The following TEX2 variants were observed in gnomAD, a reference collection of about 807,000 sequenced individuals.
TEX2 encodes the protein testis expressed 2.
Under a neutral mutation model 106.9 loss-of-function variants are expected in TEX2, and 53 were observed. The ratio of observed to expected loss-of-function variants is 0.50; its 90% confidence interval spans 0.40 to 0.62. TEX2 has a LOEUF of 0.62. Among genes scored for constraint, TEX2 ranks in the 20% least tolerant of loss-of-function variants. The probability of loss-of-function intolerance (pLI) is 0.00; values close to 1 mark genes in which losing one functional copy is unlikely to be tolerated. For missense variants in TEX2, 1,207 were observed against 1,379.0 expected, an observed-to-expected ratio of 0.88 and a Z score of 1.98; for synonymous variants, 523 against 534.8, an observed-to-expected ratio of 0.98 and a Z score of 0.30.
At chr17:64,244,812 G>A (rs1415823268) in intron 1 of TEX2, among the ~76,000 whole-genome samples, 3 of 151,912 alleles carry the variant, frequency 2.0e-5, no homozygotes, top group Non-Finnish European at 4.4e-5. Flanking sequence ...TTTCAAATAT[G>A]GAAATTTAAG....
chr17:64,193,574 A>C lies in TEX2; in HGVS notation c.2161T>G (p.Ser721Ala). Residue 721 changes from serine (S) to alanine (A), a missense_variant, in exon 4 of 12, where the codon TCT becomes GCT. Ser to Ala is a moderately conservative substitution (Grantham distance 99, BLOSUM62 1). Around this residue, in one of 3 missense-constraint regions of TEX2, gnomAD observed 1,067 missense variants for 1,193.6 expected, o/e 0.89. Transcript: ENST00000584379. ...ACATCATTACCTGGTTTACCTCCAG[A>C]GACACCCGATGACTTCTTGATTTCC... ...KSEIKKSSGV[S>A]GGKPGLLPAH... The C allele has an allele frequency of 1.4e-6, 2 of 1,434,602 alleles. No homozygotes were observed. The highest frequency in any genetic ancestry group is 1.8e-6 in the Non-Finnish European group (2 of 1,085,826). The allele number at this position is 1,434,602 out of a possible 1,614,324, so 88.9% of individuals were successfully genotyped here.
intron 1 of TEX2, among the ~76,000 whole-genome samples, chr17:64,227,903 T>G (rs1463714210): frequency 6.6e-6 from 1 of 152,258 alleles, no homozygotes; most frequent in Non-Finnish European, 1.5e-5. Flanking sequence ...ACTGTTCTTA[T>G]AAGCATTTTC....
At chr17:64,206,656 C>G (rs1391155160) in intron 2 of TEX2, among the ~76,000 whole-genome samples, 1 of 148,988 alleles carries the variant, frequency 6.7e-6, no homozygotes, top group Non-Finnish European at 1.5e-5. Context: ...CTCCACCTCC[C>G]AGGTTCAAGC....
Position 64,148,437 on chromosome 17 carries a change from A to G in TEX2, c.*532T>C, listed in dbSNP as rs989664598. 1.3e-5 allele frequency: 2 copies of G among 153,594 alleles called. No homozygotes were observed. The highest frequency in any genetic ancestry group is 2.4e-5 in the African/African-American group (1 of 41,442). The allele number at this position is 153,594 out of a possible 1,614,324, so 9.5% of individuals were successfully genotyped here. The stretch of plus-strand genomic sequence containing the variant: ...CCAAATGCACAATTTAATGTGGAAA[A>G]TAAGTTGCTCTGCCCATCTCTTCTG... On this transcript the variant is annotated 3_prime_UTR_variant, in exon 12 of 12. Coordinates refer to ENST00000584379, the MANE Select transcript of TEX2 (RefSeq NM_001288732.2).
chr17:64,241,028 C>T (rs1161544722), intron 1 of TEX2, among the ~76,000 whole-genome samples: 1 of 152,214 alleles, frequency 6.6e-6, no homozygotes, highest in African/African-American at 2.4e-5. Context: ...AAAATAGCCT[C>T]AGGCCAACAG....
Position 64,153,946 on chromosome 17 carries a change from A to G in TEX2, c.2931-792T>C, listed in dbSNP as rs1286209723. ...AGATGCTGTCTCAAGAAAACAAACAAACAAACAAAATGCTACACCAAGTTG... is the reference window on the plus strand; with the variant it reads ...AGATGCTGTCTCAAGAAAACAAACAGACAAACAAAATGCTACACCAAGTTG... On this transcript the variant is annotated intron_variant, in intron 9 of 11. Coordinates refer to ENST00000584379, the MANE Select transcript of TEX2 (RefSeq NM_001288732.2). The surrounding 1 kb of genome is among the most constrained non-coding windows in gnomAD (Gnocchi z 4.1). 2.0e-5 allele frequency among the ~76,000 whole-genome samples: 3 copies of G among 152,180 alleles called. No individual in the cohort carries two copies. Among genetic ancestry groups the G allele is most frequent in the African/African-American group, 7.2e-5 (3 of 41,440 alleles).
intron 5 of TEX2, 43 bp from the exon 6 acceptor site, chr17:64,177,514 G>A (rs748599308): frequency 1.9e-6 from 3 of 1,602,940 alleles, no homozygotes; most frequent in East Asian, 2.2e-5. Context: ...AAAGCAACTG[G>A]AGAATAAGAC....
At position 64,195,115 on chromosome 17, in the gene TEX2, A is replaced by G. The variant is rs1477348266; in HGVS notation, c.1645-20T>C. ...CCATCCCTGATGAAGAAAAACTTCCATTAGTAATATCAGAATAATCGCAAA... is the reference window on the plus strand; with the variant it reads ...CCATCCCTGATGAAGAAAAACTTCCGTTAGTAATATCAGAATAATCGCAAA... On this transcript the variant is annotated intron_variant, in intron 2 of 11. Transcript: ENST00000584379. The surrounding 1 kb of genome is among the most constrained non-coding windows in gnomAD (Gnocchi z 4.1). 1.9e-6 allele frequency: 3 copies of G among 1,609,518 alleles called. No homozygotes were observed. The highest frequency in any genetic ancestry group is 3.3e-5 in the Admixed American group (2 of 59,954).
In TEX2 at chr17:64,214,234, G is replaced by T. The variant is rs1555632316; in HGVS notation, c.-17C>A. Reference sequence around the variant, plus strand: ...ACTTGTCATTGCCGGCTTCACAAGGGCTCAGGCTCTGTGAAAACAGTGAGA... The same window carrying T: ...ACTTGTCATTGCCGGCTTCACAAGGTCTCAGGCTCTGTGAAAACAGTGAGA... On this transcript the variant is annotated 5_prime_UTR_variant, in exon 2 of 12. Coordinates refer to ENST00000584379, the MANE Select transcript of TEX2 (RefSeq NM_001288732.2). 6.3e-7 allele frequency: 1 copy of T among 1,599,544 alleles called. No individual in the cohort carries two copies.
At chr17:64,149,130 G>A in intron 11 of TEX2, 39 bp from the exon 12 acceptor site, 1 of 1,604,936 alleles carries the variant, frequency 6.2e-7, no homozygotes, top group Non-Finnish European at 8.5e-7. Context: ...GTGGAAGAAT[G>A]CCTTGCCAGG....
chr17:64,259,275 ACCT>A (rs1164685055), intron 1 of TEX2, among the ~76,000 whole-genome samples: 1 of 151,874 alleles, frequency 6.6e-6, no homozygotes, highest in African/African-American at 2.4e-5. Flanking sequence ...AACTTTCATG[ACCT>A]CCTAGCATCC....
At chr17:64,218,110 G>C (rs2033238792) in intron 1 of TEX2, among the ~76,000 whole-genome samples, 1 of 152,092 alleles carries the variant, frequency 6.6e-6, no homozygotes, top group Non-Finnish European at 1.5e-5. Context: ...GCTGGGCACG[G>C]TGGCTCACAC....
chr17:64,203,142 C>G (rs1372355662), intron 2 of TEX2, among the ~76,000 whole-genome samples: 2 of 152,212 alleles, frequency 1.3e-5, no homozygotes, highest in African/African-American at 4.8e-5. Flanking sequence ...GGCCAATGCT[C>G]TATTGCTCAG....
At chr17:64,198,641 C>T (rs6504208) in intron 2 of TEX2, among the ~76,000 whole-genome samples, 110,218 of 151,742 alleles carry the variant, frequency 0.73, 40,284 homozygotes, top group East Asian at 0.86. Context: ...GTGATACTGC[C>T]TTCGTCCATC....
At chr17:64,189,232 C>G (rs188595575) in intron 4 of TEX2, among the ~76,000 whole-genome samples, 27 of 152,326 alleles carry the variant, frequency 1.8e-4, no homozygotes, top group Non-Finnish European at 3.1e-4. Flanking sequence ...TCTTCTGTAA[C>G]AAGTGTCAAA....
chr17:64,231,385 C>T (rs2033654560), intron 1 of TEX2, among the ~76,000 whole-genome samples: 1 of 152,194 alleles, frequency 6.6e-6, no homozygotes, highest in African/African-American at 2.4e-5. Context: ...TGTGTGGTCA[C>T]TGTTGTGCCC....
At chr17:64,198,768 C>T (rs537261630) in intron 2 of TEX2, among the ~76,000 whole-genome samples, 10 of 152,098 alleles carry the variant, frequency 6.6e-5, no homozygotes, top group African/African-American at 2.2e-4. Flanking sequence ...AAATATTTTT[C>T]GTTATTTCCA....
intron 9 of TEX2, among the ~76,000 whole-genome samples, chr17:64,154,341 C>T (rs1373800650): frequency 6.9e-6 from 1 of 145,166 alleles, no homozygotes; most frequent in African/African-American, 2.8e-5. Flanking sequence ...ATTTCACAGC[C>T]CAAGTTAACA....
At chr17:64,241,007 C>T in intron 1 of TEX2, among the ~76,000 whole-genome samples, 1 of 152,218 alleles carries the variant, frequency 6.6e-6, no homozygotes, top group East Asian at 1.9e-4. Context: ...CTTAAAATGA[C>T]ATTCAGAAGA....
Sources: gnomAD v4.1 joint callset for allele counts (sites outside exome capture counted in the v4.1 genomes callset) on GRCh38, gnomAD v4.1.1 for gene constraint, gnomAD v4.1.1 regional missense constraint, Gnocchi (gnomAD v3.1) non-coding constraint, MANE v1.5 for transcripts, NCBI Gene and HGNC (gene_info 2026-07-23, HGNC 2026-07-21) for gene names.